Variants in CCDC171 observed in about 807,000 individuals in gnomAD.
CCDC171 encodes the protein coiled-coil domain containing 171.
A neutral mutation model predicts 168.2 loss-of-function variants in CCDC171; 177 were observed. The ratio of observed to expected loss-of-function variants is 1.05; its 90% CI spans 0.93 to 1.19. The LOEUF (loss-of-function observed/expected upper bound fraction) is 1.19, where lower values mean the gene tolerates loss of function less well. Among genes scored for constraint, CCDC171 ranks in the 50% most tolerant of loss-of-function variants. The pLI is 0.00. For synonymous variants in CCDC171, 687 were observed against 540.8 expected (o/e 1.27, Z -3.75); for missense variants, 1,991 against 1,539.0 (o/e 1.29, Z -4.91).
chr9:15,906,267 A>G (rs887346342), intron 24 of CCDC171, among the ~76,000 whole-genome samples: 8 of 152,214 alleles, frequency 5.3e-5, no homozygotes, highest in Non-Finnish European at 1.0e-4. Context: ...CGATGCAAAA[A>G]TCCTCAATAA....
Position 15,819,619 on chromosome 9 carries a change from A to C in CCDC171, c.3268-27083A>C, listed in dbSNP as rs372804812. Among the ~76,000 whole-genome samples, 3 of 117,734 alleles carry C rather than the reference A, an allele frequency of 2.5e-5. 1 individual carries two copies. The highest frequency in any genetic ancestry group is 5.7e-5 in the Non-Finnish European group (3 of 52,280). The allele number at this position is 117,734 out of a possible 152,430, so 77.2% of individuals were successfully genotyped here. A position where few individuals can be genotyped will look rare whatever the true frequency, so the allele number is the denominator to read the frequency against. The stretch of plus-strand genomic sequence containing the variant: ...GGCCATTACATAATGGTAAAGGGAT[A>C]AATTCAACAAGAAGAACTAACTGTC... On this transcript the variant is annotated intron_variant, in intron 21 of 25. Coordinates refer to ENST00000380701, the MANE Select transcript of CCDC171 (RefSeq NM_173550.4).
rs1041762507 is a variant in CCDC171, at chr9:15,678,665, T to C, written c.1077-93T>C. ...AAAGTCTTTTAGCATGAACACATGA[T>C]ATGTAGTACATCTGCCATATGTATT... is the stretch of plus-strand genomic sequence containing the variant. On this transcript the variant is annotated intron_variant, in intron 9 of 25. Transcript: ENST00000380701. 5 of 976,110 alleles carry C rather than the reference T, an allele frequency of 5.1e-6. No homozygotes were observed. In the African/African-American group the frequency reaches 8.5e-5, roughly 17 times the overall value. The allele number at this position is 976,110 out of a possible 1,614,324, so 60.5% of individuals were successfully genotyped here.
intron 21 of CCDC171, among the ~76,000 whole-genome samples, chr9:15,842,112 A>G (rs1416991695): frequency 2.6e-5 from 4 of 152,020 alleles, no homozygotes; most frequent in African/African-American, 9.7e-5. Flanking sequence ...TAGTTCTTAT[A>G]ACACTTGTGT....
At chr9:15,763,978 A>G (rs1210626986) in intron 18 of CCDC171, among the ~76,000 whole-genome samples, 1 of 152,190 alleles carries the variant, frequency 6.6e-6, no homozygotes, top group Non-Finnish European at 1.5e-5. Flanking sequence ...GCTTGAAAAA[A>G]TGAGCCATGC....
At chr9:15,850,744 C>CTT (rs1388358013) in intron 23 of CCDC171, among the ~76,000 whole-genome samples, 1 of 151,904 alleles carries the variant, frequency 6.6e-6, no homozygotes, top group Non-Finnish European at 1.5e-5. Context: ...GCCCACCTGT[C>CTT]TTCGTGCCAG....
chr9:15,960,973 A>G (rs911712420), intron 25 of CCDC171, among the ~76,000 whole-genome samples: 5 of 152,166 alleles, frequency 3.3e-5, no homozygotes, highest in African/African-American at 1.2e-4. Flanking sequence ...TGGAACAATG[A>G]AGGAGCATGG....
At position 15,576,114 on chromosome 9, in the gene CCDC171, C is replaced by CGT. The variant is rs2040636459; in HGVS notation, c.178-2735_178-2734insGT. Among the ~76,000 whole-genome samples the CGT allele has an allele frequency of 4.1e-5, 4 of 96,430 alleles. No homozygotes were observed. The South Asian group carries it at 1.5e-3, about 36-fold the overall frequency. The allele number at this position is 96,430 out of a possible 152,430, so 63.3% of individuals were successfully genotyped here. A position where few individuals can be genotyped will look rare whatever the true frequency, so the allele number is the denominator to read the frequency against. ...CTCAAAAAAAAAAAAATTATAGCTACATATATATCATATTTCAGTTGTGTG... is the reference window on the plus strand; with the variant it reads ...CTCAAAAAAAAAAAAATTATAGCTACGTATATATATCATATTTCAGTTGTGTG... On this transcript the variant is annotated intron_variant, in intron 3 of 25. Transcript: ENST00000380701.
intron 24 of CCDC171, among the ~76,000 whole-genome samples, chr9:15,917,241 G>C (rs991029736): frequency 6.6e-6 from 1 of 151,750 alleles, no homozygotes; most frequent in African/African-American, 2.4e-5. Context: ...TGCCATTTCA[G>C]TGATACTCCT....
At chr9:16,067,581 T>C in the CCDC171 span, among the ~76,000 whole-genome samples, 2 of 152,216 alleles carry the variant, frequency 1.3e-5, no homozygotes, top group Non-Finnish European at 2.9e-5. Context: ...TCTTCTCTGG[T>C]TTTTATGGTT....
chr9:15,921,089 A>T (rs1053723126), intron 25 of CCDC171, among the ~76,000 whole-genome samples: 1 of 151,800 alleles, frequency 6.6e-6, no homozygotes, highest in Non-Finnish European at 1.5e-5. Flanking sequence ...TCAACAGTAG[A>T]TTCAGAAGGT....
chr9:15,902,592 G>C (rs1589055315), intron 24 of CCDC171, among the ~76,000 whole-genome samples: 1 of 74,392 alleles, frequency 1.3e-5, no homozygotes, highest in Non-Finnish European at 2.9e-5. Context: ...CCAGTCTACA[G>C]CTCCCAGCAT....
intron 25 of CCDC171, among the ~76,000 whole-genome samples, chr9:15,946,320 A>T (rs910591140): frequency 2.0e-5 from 3 of 152,014 alleles, no homozygotes; most frequent in Non-Finnish European, 4.4e-5. Context: ...ACTTCAGCAA[A>T]GTCTCAGGAT....
At chr9:16,004,860 T>C (rs906072687) in intron 3 of CCDC171, among the ~76,000 whole-genome samples, 1 of 151,946 alleles carries the variant, frequency 6.6e-6, no homozygotes, top group African/African-American at 2.4e-5. Context: ...CTCATTTCCC[T>C]GGAGGCCCTT....
At chr9:15,758,913 A>G (rs1016075430) in intron 18 of CCDC171, among the ~76,000 whole-genome samples, 69 of 152,228 alleles carry the variant, frequency 4.5e-4, no homozygotes, top group African/African-American at 1.6e-3. Flanking sequence ...TATAAGTGCA[A>G]TAAACCTCTT....
chr9:15,718,086 G>A (rs900390094), intron 11 of CCDC171, among the ~76,000 whole-genome samples: 25 of 152,156 alleles, frequency 1.6e-4, no homozygotes, highest in Non-Finnish European at 2.9e-5. Context: ...ACCTGCCCTT[G>A]GCCAAAGGGG....
chr9:15,858,281 A>C (rs143339593), intron 23 of CCDC171, among the ~76,000 whole-genome samples: 1 of 152,176 alleles, frequency 6.6e-6, no homozygotes, highest in East Asian at 1.9e-4. Context: ...GGCCTCCCAA[A>C]GTGCTGGGAT....
chr9:15,908,294 G>A (rs1487932975), intron 24 of CCDC171, among the ~76,000 whole-genome samples: 2 of 152,142 alleles, frequency 1.3e-5, no homozygotes, highest in Non-Finnish European at 2.9e-5. Context: ...AGAAAATGTG[G>A]CACATATACA....
At position 15,883,857 on chromosome 9, in the gene CCDC171, C is replaced by G. The variant is rs545232285; in HGVS notation, c.3600+9194C>G. Among the ~76,000 whole-genome samples the G allele has an allele frequency of 8.5e-5, 13 of 152,084 alleles. No individual in the cohort carries two copies. The South Asian group carries it at 2.7e-3, about 32-fold the overall frequency. The stretch of plus-strand genomic sequence containing the variant: ...AGTTTTGTTGTTTATTATTCCTTTT[C>G]TTAATAGGAAAAAATAATTAGGAAG... On this transcript the variant is annotated intron_variant, in intron 24 of 25. Coordinates refer to ENST00000380701, the MANE Select transcript of CCDC171 (RefSeq NM_173550.4).
chr9:15,878,799 A>G (rs965702344), intron 24 of CCDC171, among the ~76,000 whole-genome samples: 3 of 152,150 alleles, frequency 2.0e-5, no homozygotes, highest in Admixed American at 6.6e-5. Context: ...ATACAACCAT[A>G]AAAAGAACGA....
Sources: gnomAD v4.1 joint callset for allele counts (sites outside exome capture counted in the v4.1 genomes callset) on GRCh38, gnomAD v4.1.1 for gene constraint, MANE v1.5 for transcripts, NCBI Gene and HGNC (gene_info 2026-07-23, HGNC 2026-07-21) for gene names.